Variants in KIF16B observed in about 807,000 individuals in gnomAD.
The protein encoded by KIF16B is kinesin family member 16B.
A neutral mutation model predicts 156.3 loss-of-function variants in KIF16B; 98 were observed. That is an observed-to-expected ratio of 0.63 (90% CI 0.53 to 0.74). The LOEUF (loss-of-function observed/expected upper bound fraction) is 0.74. KIF16B is among the 30% of genes least tolerant of loss of function. The pLI, the probability that KIF16B is intolerant of heterozygous loss-of-function variation, is 0.00. For synonymous variants in KIF16B, 564 were observed against 583.7 expected (o/e 0.97, Z 0.49); for missense variants, 1,421 against 1,606.5 (o/e 0.88, Z 1.97).
chr20:16,286,902 C>A (rs2063230596), intron 25 of KIF16B, among the ~76,000 whole-genome samples: 1 of 152,204 alleles, frequency 6.6e-6, no homozygotes, highest in Admixed American at 6.5e-5. Context: ...TGCACTGGCA[C>A]TAATGCCATG....
At chr20:16,451,059 A>G (rs1030808249) in intron 12 of KIF16B, among the ~76,000 whole-genome samples, 2 of 152,198 alleles carry the variant, frequency 1.3e-5, no homozygotes, top group African/African-American at 2.4e-5. Flanking sequence ...TGTTTCTTCC[A>G]CATTATATGG....
In KIF16B at chr20:16,497,765, T is replaced by G. The variant is rs1298464269; in HGVS notation, c.1177-87A>C. On this transcript the variant is annotated intron_variant, in intron 10 of 25. Transcript: ENST00000354981. ...CTGAATATAGTAAATTATCCAAAATTTCACAGAAACTATTAAAGGTAAAAA... is the reference window on the plus strand; with the variant it reads ...CTGAATATAGTAAATTATCCAAAATGTCACAGAAACTATTAAAGGTAAAAA... The G allele has an allele frequency of 2.9e-6, 3 of 1,019,184 alleles. No individual in the cohort carries two copies. The African/African-American group carries it at 4.9e-5, about 17-fold the overall frequency. The allele number at this position is 1,019,184 out of a possible 1,614,324, so 63.1% of individuals were successfully genotyped here. A position where few individuals can be genotyped will look rare whatever the true frequency, so the allele number is the denominator to read the frequency against.
At chr20:16,400,004 G>A (rs1440987702) in intron 17 of KIF16B, among the ~76,000 whole-genome samples, 1 of 152,182 alleles carries the variant, frequency 6.6e-6, no homozygotes, top group Non-Finnish European at 1.5e-5. Flanking sequence ...TGAGAGGTCA[G>A]AGCAATGCCT....
intron 10 of KIF16B, among the ~76,000 whole-genome samples, chr20:16,500,594 G>T (rs549743524): frequency 6.6e-6 from 1 of 151,956 alleles, no homozygotes; most frequent in Non-Finnish European, 1.5e-5. Context: ...TTTCAATTAC[G>T]AAAGTTGATA....
At chr20:16,353,871 G>A (rs985884458) in intron 23 of KIF16B, among the ~76,000 whole-genome samples, 10 of 152,158 alleles carry the variant, frequency 6.6e-5, no homozygotes, top group South Asian at 6.2e-4. Flanking sequence ...CTGCCTAAAC[G>A]GAGAACTAGA....
At chr20:16,485,050 G>A (rs1285332692) in intron 12 of KIF16B, among the ~76,000 whole-genome samples, 2 of 152,152 alleles carry the variant, frequency 1.3e-5, no homozygotes, top group African/African-American at 4.8e-5. Flanking sequence ...ATTAGCAAAT[G>A]AGATGCAACT....
chr20:16,384,516 T>C (rs1414710674), intron 17 of KIF16B, among the ~76,000 whole-genome samples: 1 of 152,116 alleles, frequency 6.6e-6, no homozygotes, highest in Non-Finnish European at 1.5e-5. Flanking sequence ...AGCTGGACAG[T>C]GAAGAGCCTT....
intron 15 of KIF16B, among the ~76,000 whole-genome samples, chr20:16,423,386 G>T (rs1482328961): frequency 6.6e-6 from 1 of 152,072 alleles, no homozygotes; most frequent in African/African-American, 2.4e-5. Flanking sequence ...CATTTAAATA[G>T]AAAATACTAC....
chr20:16,357,912 G>A (rs549144593), intron 22 of KIF16B, among the ~76,000 whole-genome samples: 1 of 152,276 alleles, frequency 6.6e-6, no homozygotes, highest in Admixed American at 6.5e-5. Context: ...TCAAGAGGCT[G>A]GGCACAGTGG....
At chr20:16,419,019 T>C (rs190432348) in intron 15 of KIF16B, among the ~76,000 whole-genome samples, 1 of 152,038 alleles carries the variant, frequency 6.6e-6, no homozygotes, top group East Asian at 1.9e-4. Context: ...ATCACAGACA[T>C]AAAAAACCCG....
intron 24 of KIF16B, among the ~76,000 whole-genome samples, chr20:16,326,647 C>A (rs949892581): frequency 1.3e-5 from 2 of 151,674 alleles, no homozygotes; most frequent in African/African-American, 4.8e-5. Flanking sequence ...CAAGGATGGC[C>A]ATAATTTAAA....
chr20:16,319,924 T>C (rs987863278), intron 24 of KIF16B, among the ~76,000 whole-genome samples: 1 of 152,158 alleles, frequency 6.6e-6, no homozygotes, highest in Non-Finnish European at 1.5e-5. Context: ...AGAACCTAAC[T>C]ACCTTAGGTT....
chr20:16,296,470 A>T (rs984371841), intron 25 of KIF16B, among the ~76,000 whole-genome samples: 7 of 152,364 alleles, frequency 4.6e-5, no homozygotes, highest in African/African-American at 1.7e-4. Context: ...AATAAACAGC[A>T]TACACAGCTC....
chr20:16,472,678 A>G (rs2067696489), intron 12 of KIF16B, among the ~76,000 whole-genome samples: 4 of 152,000 alleles, frequency 2.6e-5, no homozygotes, highest in Admixed American at 2.6e-4. Context: ...AGCATTACCA[A>G]CTTTCCCATG....
At chr20:16,507,101 A>G (rs939788753) in intron 7 of KIF16B, among the ~76,000 whole-genome samples, 2 of 143,008 alleles carry the variant, frequency 1.4e-5, no homozygotes, top group African/African-American at 2.5e-5. Context: ...TCATGTCTCA[A>G]AAAAAAAAAA....
At chr20:16,398,513 T>C (rs2065569740) in intron 17 of KIF16B, among the ~76,000 whole-genome samples, 1 of 152,082 alleles carries the variant, frequency 6.6e-6, no homozygotes, top group South Asian at 2.1e-4. Flanking sequence ...TGCCATCAGA[T>C]AGAGAAAGTC....
At chr20:16,350,289 C>G (rs2180442) in intron 23 of KIF16B, among the ~76,000 whole-genome samples, 109,245 of 152,150 alleles carry the variant, frequency 0.72, 40,017 homozygotes, top group East Asian at 0.96. Flanking sequence ...GCGGGCACCT[C>G]GGAGCGTAGC....
At chr20:16,490,288 C>G (rs2068249161) in intron 12 of KIF16B, among the ~76,000 whole-genome samples, 2 of 152,098 alleles carry the variant, frequency 1.3e-5, no homozygotes, top group South Asian at 4.1e-4. Context: ...TGGCTCACGC[C>G]TGCAACACTT....
At chr20:16,362,925 T>A (rs117357780) in intron 22 of KIF16B, among the ~76,000 whole-genome samples, 1 of 152,340 alleles carries the variant, frequency 6.6e-6, no homozygotes, top group Non-Finnish European at 1.5e-5. Flanking sequence ...TGACTTATAA[T>A]AGAATCTCTT....
Sources: allele counts gnomAD v4.1 joint callset (sites outside exome capture counted in the v4.1 genomes callset), GRCh38; gene constraint gnomAD v4.1.1; transcripts MANE v1.5; gene names NCBI Gene and HGNC (gene_info 2026-07-23, HGNC 2026-07-21).